ARID3A: variants seen among roughly 807,000 people sequenced by gnomAD.
The protein encoded by ARID3A is AT-rich interactive domain-containing protein 3A.
A neutral mutation model predicts 52.7 loss-of-function variants in ARID3A; 11 were observed. That is an observed-to-expected ratio of 0.21 (90% CI 0.13 to 0.35). ARID3A has a LOEUF of 0.35. Ranked by LOEUF, ARID3A falls within the 10% of genes least tolerant of loss-of-function variation. The pLI, the probability that ARID3A is intolerant of heterozygous loss-of-function variation, is 1.00. For missense variants in ARID3A, 721 were observed against 838.5 expected, an observed-to-expected ratio of 0.86 and a Z score of 1.73; for synonymous variants, 404 against 359.4, an observed-to-expected ratio of 1.12 and a Z score of -1.40.
intron 3 of ARID3A, among the ~76,000 whole-genome samples, chr19:937,338 C>T (rs1262242439): frequency 2.6e-5 from 4 of 152,188 alleles, no homozygotes; most frequent in East Asian, 1.9e-4. Context: ...TCTCACTGAG[C>T]GTGACGTCCT....
At chr19:965,271 T>G in intron 6 of ARID3A, 191 bp downstream of exon 6, 2 of 649,234 alleles carry the variant, frequency 3.1e-6, no homozygotes, top group Non-Finnish European at 2.5e-6. Flanking sequence ...CATTTTCTAA[T>G]TCCACACAGG....
chr19:941,571 C>T lies in ARID3A; in HGVS notation c.693+8829C>T, dbSNP rs556906992. Among the ~76,000 whole-genome samples, 6 of 152,268 alleles carry T rather than the reference C, an allele frequency of 3.9e-5. No homozygotes were observed. The highest frequency in any genetic ancestry group is 2.1e-4 in the South Asian group (1 of 4,802). On this transcript the variant is annotated intron_variant, in intron 3 of 8. Coordinates refer to ENST00000263620, the MANE Select transcript of ARID3A (RefSeq NM_005224.3). This position sits in a 1 kb window ranked among gnomAD's most constrained non-coding sequence, Gnocchi z 6.9. ...GTGTCCAGACGTGTGTCTGCCCTGA[C>T]GTCCTTTGTGAATGTCTATGTTGGG...
chr19:932,292 G>A, intron 2 of ARID3A, 126 bp from the exon 3 acceptor site: 1 of 1,524,492 alleles, frequency 6.6e-7, no homozygotes. Flanking sequence ...TGCAGTCTGA[G>A]CTGGCGGCGG....
At chr19:970,667 G>A (rs1366520034) in intron 8 of ARID3A, among the ~76,000 whole-genome samples, 1 of 151,914 alleles carries the variant, frequency 6.6e-6, no homozygotes, top group South Asian at 2.1e-4. Flanking sequence ...ATGATACGGG[G>A]TTTCACCATG....
At chr19:939,071 C>T (rs1443179002) in intron 3 of ARID3A, among the ~76,000 whole-genome samples, 1 of 151,444 alleles carries the variant, frequency 6.6e-6, no homozygotes, top group Non-Finnish European at 1.5e-5. Context: ...GCTGTGACTA[C>T]AGGCGCGTGC....
At position 964,459 on chromosome 19, in the gene ARID3A, C is replaced by T. The variant is rs771608529; in HGVS notation, c.950+28C>T. ...GAGTGGCGGACGGTTGTGCCGAGGT[C>T]GGGCCAGGGCACTCTGAGCAGCCAG... is the stretch of plus-strand genomic sequence containing the variant. On this transcript the variant is annotated intron_variant, in intron 5 of 8. Coordinates refer to ENST00000263620, the MANE Select transcript of ARID3A (RefSeq NM_005224.3). The surrounding 1 kb of genome is among the most constrained non-coding windows in gnomAD (Gnocchi z 5.7). 36 of 1,545,618 alleles carry T rather than the reference C, an allele frequency of 2.3e-5. No individual in the cohort carries two copies. The highest frequency in any genetic ancestry group is 9.5e-5 in the South Asian group (8 of 83,896).
intron 3 of ARID3A, among the ~76,000 whole-genome samples, chr19:945,126 A>C (rs777166956): frequency 2.4e-4 from 37 of 151,952 alleles, no homozygotes; most frequent in Non-Finnish European, 5.0e-4. Context: ...TAGACAGATC[A>C]CCTCTGTGGT....
intron 3 of ARID3A, among the ~76,000 whole-genome samples, chr19:933,339 C>T (rs767956851): frequency 1.5e-4 from 23 of 152,252 alleles, no homozygotes; most frequent in African/African-American, 5.1e-4. Context: ...AAGTAGGGGC[C>T]GCCCCAGCCT....
In ARID3A at chr19:975,128, G is replaced by C. The variant is rs1262901933; in HGVS notation, c.*3063G>C. ...GTGTGGCTTTCTGGGGTGCAGCTCA[G>C]CACCCCCCCTTATGCAGACTGGGAG... On this transcript the variant is annotated 3_prime_UTR_variant, in exon 9 of 9. Coordinates refer to ENST00000263620, the MANE Select transcript of ARID3A (RefSeq NM_005224.3). The C allele has an allele frequency of 6.5e-5, 15 of 230,666 alleles. No homozygotes were observed. The highest frequency in any genetic ancestry group is 5.7e-5 in the Admixed American group (1 of 17,588). 14.3% of individuals were successfully genotyped at this position (230,666 alleles called of 1,614,324 possible).
In ARID3A at chr19:929,659, A is replaced by G. The variant is rs865967345; in HGVS notation, c.131A>G (p.Asp44Gly). ...CCCGGCCGGGCCCGGGCTGCCCCCG[A>G]CGAGGACAGAGAGCCCGAGAGTGCC... ...APPGRARAAP[D>G]EDREPESARM... Residue 44 changes from aspartate (D) to glycine (G), a missense_variant, in exon 2 of 9, where the codon GAC becomes GGC. Asp to Gly is a moderately conservative substitution (Grantham distance 94). Coordinates refer to ENST00000263620, the MANE Select transcript of ARID3A (RefSeq NM_005224.3). The surrounding 1 kb of genome is among the most constrained non-coding windows in gnomAD (Gnocchi z 6.2). 6.5e-7 allele frequency: 1 copy of G among 1,545,454 alleles called. No individual in the cohort carries two copies.
rs2037706506 is a variant in ARID3A, at chr19:947,273, CCTCGGCGGAGA to C, written c.694-12815_694-12805del. Among the ~76,000 whole-genome samples the C allele has an allele frequency of 6.6e-6, 1 of 152,164 alleles. No homozygotes were observed. Among genetic ancestry groups the C allele is most frequent in the South Asian group, 2.1e-4 (1 of 4,834 alleles). On this transcript the variant is annotated intron_variant, in intron 3 of 8. Coordinates refer to ENST00000263620, the MANE Select transcript of ARID3A (RefSeq NM_005224.3). This position sits in a 1 kb window ranked among gnomAD's most constrained non-coding sequence, Gnocchi z 6.3. The stretch of plus-strand genomic sequence containing the variant: ...TAGAGGGGCTGCTTAAGGCCAGTGC[CCTCGGCGGAGA>C]CTCTATTAGGGACTGCGGGCCCCAG...
Position 973,016 on chromosome 19 carries a change from C to T in ARID3A, c.*951C>T, listed in dbSNP as rs558405253. ...CTGGGGTCCCACCGGCCAGGGGCCC[C>T]TGACAGTGAATTGCTGACTGTGATA... On this transcript the variant is annotated 3_prime_UTR_variant, in exon 9 of 9. Coordinates refer to ENST00000263620, the MANE Select transcript of ARID3A (RefSeq NM_005224.3). The T allele has an allele frequency of 1.3e-4, 25 of 199,528 alleles. No homozygotes were observed. Among genetic ancestry groups the T allele is most frequent in the African/African-American group, 5.8e-4 (25 of 43,174 alleles). 12.4% of individuals were successfully genotyped at this position (199,528 alleles called of 1,614,324 possible). A position where few individuals can be genotyped will look rare whatever the true frequency, so the allele number is the denominator to read the frequency against.
chr19:951,559 G>GA (rs909579044), intron 3 of ARID3A, among the ~76,000 whole-genome samples: 14 of 151,136 alleles, frequency 9.3e-5, no homozygotes, highest in Non-Finnish European at 1.6e-4. Context: ...TCAAAAAAAG[G>GA]AAAAAAAACA....
At chr19:954,572 G>A (rs1367186261) in intron 3 of ARID3A, among the ~76,000 whole-genome samples, 3 of 152,228 alleles carry the variant, frequency 2.0e-5, no homozygotes, top group African/African-American at 2.4e-5. Context: ...AGACAAATGC[G>A]TGAATCCACA....
At chr19:926,485 G>C (rs909282039) in intron 1 of ARID3A, among the ~76,000 whole-genome samples, 1 of 144,532 alleles carries the variant, frequency 6.9e-6, no homozygotes, top group Non-Finnish European at 1.5e-5. Flanking sequence ...TGGTCTCTGC[G>C]CGCGCGCGGG....
At chr19:937,746 A>G (rs771369941) in intron 3 of ARID3A, among the ~76,000 whole-genome samples, 100 of 121,012 alleles carry the variant, frequency 8.3e-4, no homozygotes, top group Admixed American at 2.2e-3. Flanking sequence ...TTGCTCTGTC[A>G]CCCAGGCTGG....
In ARID3A at chr19:972,229, A is replaced by ATATATATATATATATATACACG. The variant is rs2038293060; in HGVS notation, c.*175_*196dup. 3 of 215,700 alleles carry ATATATATATATATATATACACG rather than the reference A, an allele frequency of 1.4e-5. No individual in the cohort carries two copies. The highest frequency in any genetic ancestry group is 7.2e-5 in the African/African-American group (3 of 41,720). 13.4% of individuals were successfully genotyped at this position (215,700 alleles called of 1,614,324 possible). A position where few individuals can be genotyped will look rare whatever the true frequency, so the allele number is the denominator to read the frequency against. On this transcript the variant is annotated 3_prime_UTR_variant, in exon 9 of 9. Coordinates refer to ENST00000263620, the MANE Select transcript of ARID3A (RefSeq NM_005224.3). ...CAAAAAGAAAAGAAAAAAGATATAT[A>ATATATATATATATATATACACG]TATATATATATATATATACACGTAT... is the stretch of plus-strand genomic sequence containing the variant.
intron 3 of ARID3A, among the ~76,000 whole-genome samples, chr19:956,875 C>G (rs980780404): frequency 6.6e-6 from 1 of 152,210 alleles, no homozygotes; most frequent in African/African-American, 2.4e-5. Flanking sequence ...GGGATGTCCC[C>G]GCAGCAGCAG....
chr19:960,000 GTCC>G lies in ARID3A; in HGVS notation c.694-87_694-85del. 11 of 1,163,996 alleles carry G rather than the reference GTCC, an allele frequency of 9.5e-6. No individual in the cohort carries two copies. The highest frequency in any genetic ancestry group is 7.4e-6 in the Non-Finnish European group (6 of 812,934). The allele number at this position is 1,163,996 out of a possible 1,614,324, so 72.1% of individuals were successfully genotyped here. A position where few individuals can be genotyped will look rare whatever the true frequency, so the allele number is the denominator to read the frequency against. On this transcript the variant is annotated intron_variant, in intron 3 of 8. Transcript: ENST00000263620. This position sits in a 1 kb window ranked among gnomAD's most constrained non-coding sequence, Gnocchi z 5.0. ...CCTAGGGGTGGTGACCCCTGCTCCT[GTCC>G]TCCTGACCTGGCCTCCAGTGCAGGA...
Sources: gnomAD v4.1 joint callset for allele counts (sites outside exome capture counted in the v4.1 genomes callset) on GRCh38, gnomAD v4.1.1 for gene constraint, Gnocchi (gnomAD v3.1) non-coding constraint, MANE v1.5 for transcripts, NCBI Gene and HGNC (gene_info 2026-07-23, HGNC 2026-07-21) for gene names.